Variants in GSK3B observed in about 807,000 individuals in gnomAD.
The protein encoded by GSK3B is glycogen synthase kinase 3 beta, also known as glycogen synthase kinase-3 beta.
In GSK3B, 15 loss-of-function variants were observed where a neutral mutation model predicts 56.4. The ratio of observed to expected loss-of-function variants is 0.27; its 90% CI spans 0.18 to 0.41. GSK3B has a LOEUF of 0.41. Among genes scored for constraint, GSK3B ranks in the 10% least tolerant of loss-of-function variants. GSK3B has a pLI of 1.00. For synonymous variants in GSK3B, 181 were observed against 188.9 expected, an observed-to-expected ratio of 0.96 and a Z score of 0.34; for missense variants, 300 against 513.4, an observed-to-expected ratio of 0.58 and a Z score of 4.02.
chr3:120,083,542 T>C (rs1170519451), intron 1 of GSK3B, among the ~76,000 whole-genome samples: 3 of 152,076 alleles, frequency 2.0e-5, no homozygotes, highest in Admixed American at 1.3e-4. Context: ...CAATAAAGTC[T>C]AAAAAGATTA....
At chr3:119,995,756 G>A (rs74751577) in intron 2 of GSK3B, among the ~76,000 whole-genome samples, 4 of 72,830 alleles carry the variant, frequency 5.5e-5, no homozygotes, top group Non-Finnish European at 8.3e-5. Flanking sequence ...TTTTTTTTTT[G>A]AGACAGAGTC....
At chr3:119,956,434 C>CT (rs2057215814) in intron 2 of GSK3B, among the ~76,000 whole-genome samples, 1 of 152,122 alleles carries the variant, frequency 6.6e-6, no homozygotes, top group Non-Finnish European at 1.5e-5. Flanking sequence ...AGACTTCAGA[C>CT]TTTTTTTGGA....
Position 119,826,146 on chromosome 3 carries a change from A to G in GSK3B, c.*642T>C, listed in dbSNP as rs2055500305. On this transcript the variant is annotated 3_prime_UTR_variant, in exon 11 of 11. Coordinates refer to ENST00000264235, the MANE Select transcript of GSK3B (RefSeq NM_001146156.2). ...AGCAAAACAAAACCTTAACAAATCT[A>G]CTAAGAATCTTCCCTGTAGAGTTCC... The G allele has an allele frequency of 4.2e-6, 1 of 235,992 alleles. No individual in the cohort carries two copies. Among genetic ancestry groups the G allele is most frequent in the Non-Finnish European group, 8.3e-6 (1 of 120,332 alleles). 14.6% of individuals were successfully genotyped at this position (235,992 alleles called of 1,614,324 possible).
intron 1 of GSK3B, among the ~76,000 whole-genome samples, chr3:120,081,277 G>A (rs916789171): frequency 9.9e-5 from 15 of 151,176 alleles, no homozygotes; most frequent in Admixed American, 7.3e-4. Context: ...AAACAGGGTC[G>A]GGCACGGTGG....
intron 3 of GSK3B, among the ~76,000 whole-genome samples, chr3:119,945,566 C>A (rs564141456): frequency 6.6e-6 from 1 of 152,278 alleles, no homozygotes; most frequent in African/African-American, 2.4e-5. Context: ...ATGACAGGAG[C>A]TTTCCACCAA....
Position 119,825,717 on chromosome 3 carries a change from T to A in GSK3B, c.*1071A>T. The A allele has an allele frequency of 4.4e-6, 1 of 225,720 alleles. No homozygotes were observed. Among genetic ancestry groups the A allele is most frequent in the Non-Finnish European group, 8.8e-6 (1 of 113,432 alleles). 14.0% of individuals were successfully genotyped at this position (225,720 alleles called of 1,614,324 possible). On this transcript the variant is annotated 3_prime_UTR_variant, in exon 11 of 11. Transcript: ENST00000264235. ...TAGAACTATGTGTAGAATGTGGCTA[T>A]TTCTGCAAGCTCAATTTTCAATTAA...
chr3:119,964,565 A>T (rs1223967907), intron 2 of GSK3B, among the ~76,000 whole-genome samples: 2 of 152,196 alleles, frequency 1.3e-5, no homozygotes, highest in African/African-American at 2.4e-5. Context: ...AAACCTATAT[A>T]AGTAGACAAT....
chr3:120,058,023 A>T (rs1202258413), intron 1 of GSK3B, among the ~76,000 whole-genome samples: 1 of 151,986 alleles, frequency 6.6e-6, no homozygotes, highest in Non-Finnish European at 1.5e-5. Flanking sequence ...TTTTCCACCA[A>T]TCTTGTATTG....
At chr3:119,894,347 C>G (rs1411303395) in intron 7 of GSK3B, among the ~76,000 whole-genome samples, 2 of 152,110 alleles carry the variant, frequency 1.3e-5, no homozygotes, top group African/African-American at 2.4e-5. Flanking sequence ...CAAACTTGTT[C>G]AAGGTTTGCA....
chr3:120,056,430 T>C (rs1004582213), intron 1 of GSK3B, among the ~76,000 whole-genome samples: 2 of 152,250 alleles, frequency 1.3e-5, no homozygotes, highest in South Asian at 2.1e-4. Flanking sequence ...ACCTCCACCT[T>C]CCAGGTTCAA....
chr3:119,906,537 T>C (rs2056684321), intron 6 of GSK3B, among the ~76,000 whole-genome samples: 1 of 152,096 alleles, frequency 6.6e-6, no homozygotes, highest in Non-Finnish European at 1.5e-5. Flanking sequence ...TACATCCTGG[T>C]TTACCCAGGA....
chr3:120,014,914 T>C (rs2057810851), intron 1 of GSK3B, among the ~76,000 whole-genome samples: 1 of 152,156 alleles, frequency 6.6e-6, no homozygotes, highest in Non-Finnish European at 1.5e-5. Flanking sequence ...TTCTTTTCAA[T>C]CACAGGAAGA....
intron 1 of GSK3B, among the ~76,000 whole-genome samples, chr3:120,074,316 G>T (rs1299426530): frequency 1.4e-5 from 2 of 145,490 alleles, no homozygotes; most frequent in Admixed American, 6.8e-5. Context: ...AAAAAAGAAA[G>T]AAAGAAAGAA....
chr3:119,890,764 A>G (rs1007427620), intron 7 of GSK3B, among the ~76,000 whole-genome samples: 2 of 149,862 alleles, frequency 1.3e-5, no homozygotes, highest in South Asian at 2.1e-4. Flanking sequence ...AAAAAAAGGG[A>G]CCATTATGTA....
At chr3:119,888,535 C>T (rs531844713) in intron 7 of GSK3B, among the ~76,000 whole-genome samples, 2 of 152,092 alleles carry the variant, frequency 1.3e-5, no homozygotes, top group Non-Finnish European at 2.9e-5. Flanking sequence ...TGTACGTCAC[C>T]TCAGGCCCAC....
chr3:120,077,254 A>G (rs988625760), intron 1 of GSK3B, among the ~76,000 whole-genome samples: 5 of 152,242 alleles, frequency 3.3e-5, no homozygotes, highest in Non-Finnish European at 7.3e-5. Flanking sequence ...AACAGCCAAC[A>G]TATGGAAACA....
chr3:120,003,501 T>C (rs2057697691), intron 1 of GSK3B, among the ~76,000 whole-genome samples: 1 of 152,196 alleles, frequency 6.6e-6, no homozygotes, highest in African/African-American at 2.4e-5. Context: ...TTATTGGACT[T>C]TTATTTTTTC....
intron 2 of GSK3B, among the ~76,000 whole-genome samples, chr3:119,948,162 C>A (rs1041927006): frequency 6.6e-6 from 1 of 150,902 alleles, no homozygotes; most frequent in Non-Finnish European, 1.5e-5. Flanking sequence ...TACCAAAATG[C>A]CAGCTTTCTA....
intron 10 of GSK3B, among the ~76,000 whole-genome samples, chr3:119,839,014 T>G (rs927196590): frequency 1.3e-5 from 2 of 152,214 alleles, no homozygotes; most frequent in African/African-American, 4.8e-5. Context: ...AACTTAATAT[T>G]TGCACCATCT....
Sources: gnomAD v4.1 joint callset for allele counts (sites outside exome capture counted in the v4.1 genomes callset) on GRCh38, gnomAD v4.1.1 for gene constraint, MANE v1.5 for transcripts, NCBI Gene and HGNC (gene_info 2026-07-23, HGNC 2026-07-21) for gene names.